DAB1: variants seen among roughly 807,000 people sequenced by gnomAD.
DAB1 encodes the protein DAB adaptor protein 1, also known as disabled homolog 1.
In DAB1, 15 loss-of-function variants were observed where a neutral mutation model predicts 64.6. The ratio of observed to expected loss-of-function variants is 0.23; its 90% CI spans 0.16 to 0.36. DAB1 has a LOEUF of 0.36. DAB1 is among the 10% of genes least tolerant of loss of function. The probability of loss-of-function intolerance (pLI) is 1.00; values close to 1 mark genes in which losing one functional copy is unlikely to be tolerated. For synonymous variants in DAB1, 235 were observed against 251.9 expected (o/e 0.93, Z 0.64); for missense variants, 596 against 706.7 (o/e 0.84, Z 1.78).
chr1:58,185,033 T>C (rs1172723544), intron 4 of DAB1, among the ~76,000 whole-genome samples: 1 of 152,192 alleles, frequency 6.6e-6, no homozygotes, highest in East Asian at 1.9e-4. Context: ...CTTTATTGCT[T>C]TCTCAGCTGG....
chr1:57,576,806 G>A (rs566863443), intron 7 of DAB1, among the ~76,000 whole-genome samples: 6 of 152,152 alleles, frequency 3.9e-5, no homozygotes, highest in African/African-American at 9.7e-5. Flanking sequence ...TTTCTGAGAC[G>A]GGTGGAAGAC....
chr1:58,160,940 A>G (rs1020384403), intron 4 of DAB1, among the ~76,000 whole-genome samples: 1 of 152,346 alleles, frequency 6.6e-6, no homozygotes, highest in African/African-American at 2.4e-5. Flanking sequence ...TAGGTGGGCT[A>G]GTCACATGCA....
At chr1:57,174,111 C>T (rs527930126) in intron 2 of DAB1, among the ~76,000 whole-genome samples, 145 of 152,248 alleles carry the variant, frequency 9.5e-4, no homozygotes, top group African/African-American at 3.3e-3. Flanking sequence ...GAAGGAAATT[C>T]CTAGAGTGGG....
At chr1:57,663,610 C>G (rs1021914777) in intron 6 of DAB1, among the ~76,000 whole-genome samples, 1 of 152,004 alleles carries the variant, frequency 6.6e-6, no homozygotes, top group Non-Finnish European at 1.5e-5. Flanking sequence ...AGTTGAACAT[C>G]TTTCCCTCCC....
intron 2 of DAB1, among the ~76,000 whole-genome samples, chr1:57,190,407 G>A (rs72917143): frequency 0.085 from 12,946 of 152,174 alleles, 1,221 homozygotes; most frequent in African/African-American, 0.23. Flanking sequence ...CCTATTCTGT[G>A]TATGAGAAAA....
intron 3 of DAB1, among the ~76,000 whole-genome samples, chr1:58,387,199 G>A (rs1009747456): frequency 6.6e-6 from 1 of 152,226 alleles, no homozygotes; most frequent in Non-Finnish European, 1.5e-5. Context: ...GCTGGCCCCT[G>A]CTCTACATCC....
At chr1:58,324,962 T>C (rs576918206) in intron 4 of DAB1, among the ~76,000 whole-genome samples, 1 of 152,360 alleles carries the variant, frequency 6.6e-6, no homozygotes, top group East Asian at 1.9e-4. Flanking sequence ...CCAACATGAC[T>C]AACCAACTTG....
chr1:57,868,349 G>A (rs868757882), intron 1 of DAB1, among the ~76,000 whole-genome samples: 7 of 152,220 alleles, frequency 4.6e-5, no homozygotes, highest in East Asian at 1.9e-4. Context: ...GATTTCTTTC[G>A]TGCTGGGAGG....
At chr1:58,292,698 C>A (rs1242398874) in intron 4 of DAB1, among the ~76,000 whole-genome samples, 1 of 152,052 alleles carries the variant, frequency 6.6e-6, no homozygotes, top group Non-Finnish European at 1.5e-5. Context: ...ACCCCAGAAA[C>A]CCCATGGCTG....
At chr1:57,720,820 G>C (rs796572611) in intron 6 of DAB1, among the ~76,000 whole-genome samples, 8 of 152,174 alleles carry the variant, frequency 5.3e-5, no homozygotes, top group African/African-American at 1.9e-4. Flanking sequence ...CTGGTGTCTG[G>C]TTTGTCTATA....
rs74364166 is a variant in DAB1 at position 57,753,866 on chromosome 1, T to C, written n.552-104201A>G. ...TCTTCCAATGTTAGAAGTGCAACTT[T>C]TTTTACTTCCAATTCTAGAGGTAAG... On this transcript the variant is annotated intron_variant and non_coding_transcript_variant, in intron 6 of 20. Coordinates refer to the DAB1 transcript ENST00000485760. Among the ~76,000 whole-genome samples, 822 of 152,334 alleles carry C rather than the reference T, an allele frequency of 5.4e-3. 7 individuals are homozygous for C. Among genetic ancestry groups the C allele is most frequent in the African/African-American group, 0.019 (798 of 41,578 alleles).
chr1:57,337,543 T>C (rs962732716), intron 1 of DAB1, among the ~76,000 whole-genome samples: 15 of 152,190 alleles, frequency 9.9e-5, no homozygotes, highest in African/African-American at 3.6e-4. Context: ...CTCTCTGTAC[T>C]CTCAGTGTCT....
chr1:57,659,171 G>C (rs1646354797), intron 6 of DAB1, among the ~76,000 whole-genome samples: 1 of 152,102 alleles, frequency 6.6e-6, no homozygotes, highest in Admixed American at 6.5e-5. Context: ...TGAAATTAAG[G>C]GCAGCAGGGC....
At chr1:57,271,011 T>C (rs1670952707) in intron 2 of DAB1, among the ~76,000 whole-genome samples, 1 of 152,158 alleles carries the variant, frequency 6.6e-6, no homozygotes, top group African/African-American at 2.4e-5. Context: ...TCTAGGTCAG[T>C]CACCCAAAGT....
intron 5 of DAB1, among the ~76,000 whole-genome samples, chr1:58,034,909 T>C (rs1420755283): frequency 1.3e-5 from 2 of 152,234 alleles, no homozygotes; most frequent in African/African-American, 2.4e-5. Flanking sequence ...CATCCATGTA[T>C]GTGCATGCTG....
At chr1:57,232,749 T>C (rs748877100) in intron 2 of DAB1, among the ~76,000 whole-genome samples, 2 of 152,118 alleles carry the variant, frequency 1.3e-5, no homozygotes, top group Non-Finnish European at 2.9e-5. Flanking sequence ...GCAGAGACAT[T>C]TCAAAAGGCC....
chr1:57,540,125 T>A (rs1013927156), intron 7 of DAB1, among the ~76,000 whole-genome samples: 1 of 152,188 alleles, frequency 6.6e-6, no homozygotes, highest in African/African-American at 2.4e-5. Flanking sequence ...ATTGTGGTAT[T>A]ACTTCCATCT....
At chr1:57,712,419 G>A (rs1647038294) in intron 6 of DAB1, among the ~76,000 whole-genome samples, 1 of 152,198 alleles carries the variant, frequency 6.6e-6, no homozygotes, top group Non-Finnish European at 1.5e-5. Flanking sequence ...AAATCGTTTA[G>A]AGATAATTGA....
At chr1:58,424,638 G>A (rs968975679) in intron 3 of DAB1, among the ~76,000 whole-genome samples, 4 of 152,146 alleles carry the variant, frequency 2.6e-5, no homozygotes, top group African/African-American at 7.2e-5. Flanking sequence ...AACCCTAGGC[G>A]ATACAGGGAG....
Sources: allele counts gnomAD v4.1 joint callset (sites outside exome capture counted in the v4.1 genomes callset), GRCh38; gene constraint gnomAD v4.1.1; transcripts MANE v1.5; gene names NCBI Gene and HGNC (gene_info 2026-07-23, HGNC 2026-07-21).